Variants in DCC observed in about 807,000 individuals in gnomAD.
DCC encodes the protein netrin receptor DCC.
A neutral mutation model predicts 172.5 loss-of-function variants in DCC; 58 were observed. That is an observed-to-expected ratio of 0.34 (90% CI 0.27 to 0.42). The LOEUF is 0.42. Among genes scored for constraint, DCC ranks in the 10% least tolerant of loss-of-function variants. The pLI, the probability that DCC is intolerant of heterozygous loss-of-function variation, is 1.00. For synonymous variants in DCC, 709 were observed against 644.5 expected (o/e 1.10, Z -1.52); for missense variants, 1,740 against 1,791.0 (o/e 0.97, Z 0.51).
rs567224836 is a variant in DCC, at chr18:53,140,008, A to T, written c.1262-17348A>T. Among the ~76,000 whole-genome samples the T allele has an allele frequency of 5.9e-5, 9 of 152,366 alleles. No homozygotes were observed. The East Asian group carries it at 1.7e-3, about 29-fold the overall frequency. On this transcript the variant is annotated intron_variant, in intron 7 of 28. Coordinates refer to ENST00000442544, the MANE Select transcript of DCC (RefSeq NM_005215.4). ...TGGAACAGTGCCTGATACATGAAAAATATTCAACAAAAATATTTTGCATGA... is the reference window on the plus strand; with the variant it reads ...TGGAACAGTGCCTGATACATGAAAATTATTCAACAAAAATATTTTGCATGA...
intron 5 of DCC, among the ~76,000 whole-genome samples, chr18:52,995,503 C>T (rs974089358): frequency 1.3e-5 from 2 of 150,660 alleles, no homozygotes; most frequent in East Asian, 3.9e-4. Context: ...TTTTCTAGGC[C>T]TCAAACACAG....
At chr18:52,814,844 A>G (rs1165605041) in intron 2 of DCC, among the ~76,000 whole-genome samples, 1 of 152,192 alleles carries the variant, frequency 6.6e-6, no homozygotes, top group East Asian at 1.9e-4. Context: ...AATGGAGGAA[A>G]ACAGAAGCAA....
chr18:53,460,120 G>C (rs931987284), intron 24 of DCC, among the ~76,000 whole-genome samples: 1 of 111,986 alleles, frequency 8.9e-6, no homozygotes, highest in African/African-American at 2.9e-5. Flanking sequence ...CTGGTGTCCA[G>C]GGATAAGTAA....
chr18:52,764,635 C>G (rs2037214938), intron 2 of DCC, among the ~76,000 whole-genome samples: 1 of 152,212 alleles, frequency 6.6e-6, no homozygotes, highest in South Asian at 2.1e-4. Flanking sequence ...CAAATGGAAG[C>G]AGCTTGAGGC....
chr18:52,833,448 A>G (rs1361994735), intron 2 of DCC, among the ~76,000 whole-genome samples: 3 of 152,138 alleles, frequency 2.0e-5, no homozygotes, highest in Non-Finnish European at 4.4e-5. Context: ...AATAGCAAGC[A>G]CATCCCCTGC....
chr18:52,380,192 C>T (rs941297835), intron 1 of DCC, among the ~76,000 whole-genome samples: 7 of 152,034 alleles, frequency 4.6e-5, no homozygotes, highest in African/African-American at 1.7e-4. Context: ...TCCCCAAAAG[C>T]CTATCTCTTA....
chr18:52,500,231 G>A (rs2030966807), intron 1 of DCC, among the ~76,000 whole-genome samples: 1 of 152,034 alleles, frequency 6.6e-6, no homozygotes, highest in Non-Finnish European at 1.5e-5. Context: ...GTTGAAGTGA[G>A]CTCTTGTCAA....
chr18:53,362,428 A>G (rs2057958068), intron 15 of DCC, among the ~76,000 whole-genome samples: 2 of 152,200 alleles, frequency 1.3e-5, no homozygotes, highest in South Asian at 2.1e-4. Flanking sequence ...ATGCAAGTGC[A>G]TGCATTGCAG....
chr18:53,379,843 A>T (rs182502765), intron 15 of DCC, among the ~76,000 whole-genome samples: 46 of 152,352 alleles, frequency 3.0e-4, no homozygotes, highest in Non-Finnish European at 7.3e-5. Context: ...CAAATCTGCT[A>T]AATAACCCAG....
chr18:53,130,389 G>C (rs1031386959), intron 7 of DCC, among the ~76,000 whole-genome samples: 1 of 152,020 alleles, frequency 6.6e-6, no homozygotes, highest in Non-Finnish European at 1.5e-5. Context: ...TATAGAGCCC[G>C]GTGGATAAAG....
intron 22 of DCC, among the ~76,000 whole-genome samples, chr18:53,444,510 A>T (rs566726802): frequency 3.3e-5 from 5 of 152,178 alleles, no homozygotes; most frequent in Non-Finnish European, 5.9e-5. Flanking sequence ...AGAAAAGAAA[A>T]GAAAAAAGAG....
At chr18:52,482,638 T>A (rs1332513057) in intron 1 of DCC, among the ~76,000 whole-genome samples, 2 of 152,122 alleles carry the variant, frequency 1.3e-5, no homozygotes, top group African/African-American at 4.8e-5. Flanking sequence ...GTTTCCACCT[T>A]GCACAATTTA....
chr18:52,802,000 T>C (rs1230542140), intron 2 of DCC, among the ~76,000 whole-genome samples: 1 of 149,800 alleles, frequency 6.7e-6, no homozygotes, highest in African/African-American at 2.4e-5. Flanking sequence ...TGCATTATTC[T>C]ATTCTTTTTT....
At chr18:53,505,873 C>T (rs2046168003) in intron 27 of DCC, among the ~76,000 whole-genome samples, 1 of 152,136 alleles carries the variant, frequency 6.6e-6, no homozygotes, top group Non-Finnish European at 1.5e-5. Flanking sequence ...ATTTCTTATA[C>T]ACTTGATGGG....
chr18:52,357,126 T>C (rs1017714117), intron 1 of DCC, among the ~76,000 whole-genome samples: 2 of 152,108 alleles, frequency 1.3e-5, no homozygotes, highest in South Asian at 4.1e-4. Context: ...TTGGACACTT[T>C]CCAAAAGCAG....
intron 1 of DCC, among the ~76,000 whole-genome samples, chr18:52,673,089 TA>T (rs1279801581): frequency 6.6e-6 from 1 of 152,140 alleles, no homozygotes; most frequent in African/African-American, 2.4e-5. Flanking sequence ...TAATTTGACT[TA>T]ATTTAGTGTA....
chr18:52,971,523 A>ACT (rs2041030381), intron 5 of DCC, among the ~76,000 whole-genome samples: 1 of 151,784 alleles, frequency 6.6e-6, no homozygotes, highest in African/African-American at 2.4e-5. Flanking sequence ...ACACACACAC[A>ACT]CACACGCACG....
chr18:52,710,652 C>T (rs145023711), intron 1 of DCC, among the ~76,000 whole-genome samples: 179 of 152,206 alleles, frequency 1.2e-3, no homozygotes, highest in African/African-American at 4.2e-3. Flanking sequence ...CTGTATTTTT[C>T]AAACTTTCTG....
intron 2 of DCC, among the ~76,000 whole-genome samples, chr18:52,876,636 G>A (rs757398453): frequency 2.6e-5 from 4 of 152,292 alleles, no homozygotes; most frequent in Middle Eastern, 3.4e-3. Context: ...CAGAAGGAAT[G>A]GTCTGGATCA....
Sources: allele counts gnomAD v4.1 joint callset (sites outside exome capture counted in the v4.1 genomes callset), GRCh38; gene constraint gnomAD v4.1.1; transcripts MANE v1.5; gene names NCBI Gene and HGNC (gene_info 2026-07-23, HGNC 2026-07-21).